Variants in CAPN12 observed in about 807,000 individuals in gnomAD.
CAPN12 encodes the protein calpain-12.
Under a neutral mutation model 95.0 loss-of-function variants are expected in CAPN12, and 107 were observed. The ratio of observed to expected loss-of-function variants is 1.13; its 90% CI spans 0.96 to 1.32. The LOEUF is 1.32. Ranked by LOEUF, CAPN12 falls within the 40% of genes most tolerant of loss-of-function variation. The pLI is 0.00. For missense variants in CAPN12, 1,136 were observed against 997.8 expected (o/e 1.14, Z -1.87); for synonymous variants, 505 against 415.5 (o/e 1.22, Z -2.62).
At position 38,736,288 on chromosome 19, in the gene CAPN12, G is replaced by C; in HGVS notation, c.1405C>G (p.His469Asp). 1 of 1,443,178 alleles carries C rather than the reference G, an allele frequency of 6.9e-7. No homozygotes were observed. The highest frequency in any genetic ancestry group is 1.5e-5 in the South Asian group (1 of 68,246). The allele number at this position is 1,443,178 out of a possible 1,614,324, so 89.4% of individuals were successfully genotyped here. A position where few individuals can be genotyped will look rare whatever the true frequency, so the allele number is the denominator to read the frequency against. ...CGCAGCAGCCGGGGCAGGAGCGCAT[G>C]GCTGCGCGGGGAATCCCAGAGGCCC... ...LLGLWDSPRS[H>D]ALLPRLLRAD... The change falls in exon 12 of 21, where the codon CAT (histidine) becomes GAT (aspartate). Residue 469 changes from histidine (H) to aspartate (D), a missense_variant. Coordinates refer to ENST00000328867, the MANE Select transcript of CAPN12 (RefSeq NM_144691.4).
intron 10 of CAPN12, 195 bp from the exon 11 acceptor site, chr19:38,736,758 G>T: frequency 1.5e-6 from 1 of 656,744 alleles, no homozygotes; most frequent in Non-Finnish European, 2.5e-6. Context: ...CCCCATCTGC[G>T]CTCCCAGCGC....
In CAPN12 at chr19:38,734,382, G is replaced by T. The variant is rs775104751; in HGVS notation, c.1752C>A (p.Ala584=). The change falls in exon 16 of 21, where the codon GCC becomes GCA. Residue 584 remains alanine, a synonymous_variant. Transcript: ENST00000328867. ...CGATCTCTCTGGGGGTGGAGGTATG[G>T]GCCCTGGCTACAGGAAAAACAAAGT... The part of the protein sequence containing the change: ...LLSIALEPAR[A]HTSTPREIGL... 6.3e-7 allele frequency: 1 copy of T among 1,592,118 alleles called. No homozygotes were observed. The highest frequency in any genetic ancestry group is 8.6e-7 in the Non-Finnish European group (1 of 1,169,584).
chr19:38,741,065 C>T (rs1272532429), intron 4 of CAPN12, among the ~76,000 whole-genome samples: 1 of 152,000 alleles, frequency 6.6e-6, no homozygotes, highest in Non-Finnish European at 1.5e-5. Flanking sequence ...ATTTGAGGGT[C>T]CCAGGGTGAC....
chr19:38,742,374 G>A (rs1970596469), intron 3 of CAPN12, 36 bp downstream of exon 3: 2 of 1,426,862 alleles, frequency 1.4e-6, no homozygotes, highest in African/African-American at 2.8e-5. Context: ...TCACCATGGG[G>A]GAAACGGAGG....
chr19:38,739,958 A>G, intron 5 of CAPN12, 93 bp downstream of exon 5: 3 of 1,295,482 alleles, frequency 2.3e-6, no homozygotes, highest in Non-Finnish European at 2.0e-6. Context: ...TAACGGAAGC[A>G]GAGAACAGAG....
chr19:38,734,593 G>T, intron 15 of CAPN12: 1 of 654,218 alleles, frequency 1.5e-6, no homozygotes, highest in Non-Finnish European at 2.6e-6. Flanking sequence ...GCTCAAGGCA[G>T]CCTTGCCTTT....
chr19:38,734,058 G>C, intron 17 of CAPN12, 84 bp downstream of exon 17: 1 of 1,473,652 alleles, frequency 6.8e-7, no homozygotes, highest in South Asian at 1.2e-5. Flanking sequence ...CGTTCCCTGG[G>C]GACCTGATAG....
intron 5 of CAPN12, 127 bp from the exon 6 acceptor site, chr19:38,738,775 A>ACCCT (rs1970375254): frequency 2.4e-5 from 18 of 759,570 alleles, no homozygotes; most frequent in African/African-American, 5.2e-5. Flanking sequence ...CACGCAGCTC[A>ACCCT]GAGACCATGT....
At position 38,736,547 on chromosome 19, in the gene CAPN12, C is replaced by T. The variant is rs767995149; in HGVS notation, c.1374+5G>A. On this transcript the variant is annotated splice_donor_5th_base_variant and intron_variant, in intron 11 of 20. Coordinates refer to ENST00000328867, the MANE Select transcript of CAPN12 (RefSeq NM_144691.4). ...CAGGGCCGGTTGACCCCATCCCAGA[C>T]TCACCTCCTCTGGAATCTGAAAGAA... 4 of 1,515,022 alleles carry T rather than the reference C, an allele frequency of 2.6e-6. No homozygotes were observed. Among genetic ancestry groups the T allele is most frequent in the Non-Finnish European group, 2.7e-6 (3 of 1,124,200 alleles). The allele number at this position is 1,515,022 out of a possible 1,614,324, so 93.8% of individuals were successfully genotyped here. A position where few individuals can be genotyped will look rare whatever the true frequency, so the allele number is the denominator to read the frequency against.
intron 15 of CAPN12, 31 bp downstream of exon 15, chr19:38,734,782 C>T (rs758556433): frequency 6.2e-7 from 1 of 1,604,890 alleles, no homozygotes; most frequent in Non-Finnish European, 8.5e-7. Flanking sequence ...GGCTAAGACC[C>T]CTCCTCCTGC....
intron 5 of CAPN12, chr19:38,739,830 AATAAAC>A (rs1372593130): frequency 2.1e-6 from 1 of 466,820 alleles, no homozygotes; most frequent in African/African-American, 2.0e-5. Context: ...CAGAATGAGA[AATAAAC>A]ATAGTTGCAA....
Position 38,740,775 on chromosome 19 carries a change from G to C in CAPN12, c.561-556C>G, listed in dbSNP as rs573303901. On this transcript the variant is annotated intron_variant, in intron 4 of 20. Coordinates refer to ENST00000328867, the MANE Select transcript of CAPN12 (RefSeq NM_144691.4). ...AGATCACGCCATTGCACTGTAGCCT[G>C]GGCAACAAGAGTGAAACTCCATCTC... 1.0e-3 allele frequency among the ~76,000 whole-genome samples: 154 copies of C among 151,246 alleles called. 2 individuals are homozygous for C. Among genetic ancestry groups the C allele is most frequent in the African/African-American group, 3.1e-3 (128 of 41,116 alleles).
intron 4 of CAPN12, 93 bp from the exon 5 acceptor site, chr19:38,740,312 G>C (rs1164349960): frequency 4.7e-6 from 6 of 1,283,248 alleles, no homozygotes; most frequent in Non-Finnish European, 6.3e-6. Context: ...GTCTCAGGGT[G>C]TGGAATCCCC....
intron 10 of CAPN12, 94 bp downstream of exon 10, chr19:38,737,062 G>A: frequency 2.2e-6 from 1 of 448,246 alleles, no homozygotes; most frequent in Admixed American, 3.8e-5. Context: ...CTTCCCACTG[G>A]CCCCGCCCCT....
At chr19:38,734,571 T>TGCCCA in intron 15 of CAPN12, 182 bp from the exon 16 acceptor site, 1 of 661,066 alleles carries the variant, frequency 1.5e-6, no homozygotes. Flanking sequence ...AGGCAGGGGG[T>TGCCCA]GCCCAGTCTG....
At chr19:38,732,021 AC>A (rs1343971840) in intron 18 of CAPN12, among the ~76,000 whole-genome samples, 1 of 152,256 alleles carries the variant, frequency 6.6e-6, no homozygotes, top group Admixed American at 6.5e-5. Flanking sequence ...CTATGGGGAA[AC>A]CCAGCCAGAT....
At chr19:38,737,727 C>T (rs1970303623) in intron 8 of CAPN12, 89 bp from the exon 9 acceptor site, 2 of 1,420,242 alleles carry the variant, frequency 1.4e-6, no homozygotes, top group Non-Finnish European at 9.3e-7. Context: ...CAAAGCCCCT[C>T]ACATTTCTTA....
Position 38,738,565 on chromosome 19 carries a change from G to A in CAPN12, c.804+9C>T, listed in dbSNP as rs759163444. The A allele has an allele frequency of 9.3e-6, 15 of 1,613,912 alleles. No homozygotes were observed. The highest frequency in any genetic ancestry group is 1.2e-5 in the Non-Finnish European group (14 of 1,179,942). The stretch of plus-strand genomic sequence containing the variant: ...ATGGCCTGCCACCCCACCCATGGGG[G>A]ACACTTACCTTGTGTGTGCCCGTGA... On this transcript the variant is annotated intron_variant, in intron 6 of 20. Transcript: ENST00000328867.
In CAPN12 at chr19:38,743,118, G is replaced by C; in HGVS notation, c.238-16C>G. ...CACAGAACTCCTGTGGGTGGTGGGG[G>C]ATTCCAGGCCTCAGCCTGAGAAAGC... On this transcript the variant is annotated splice_polypyrimidine_tract_variant and intron_variant, in intron 1 of 20. Coordinates refer to ENST00000328867, the MANE Select transcript of CAPN12 (RefSeq NM_144691.4). The C allele has an allele frequency of 6.2e-7, 1 of 1,614,000 alleles. No homozygotes were observed. Among genetic ancestry groups the C allele is most frequent in the Non-Finnish European group, 8.5e-7 (1 of 1,179,890 alleles).
Sources: gnomAD v4.1 joint callset for allele counts (sites outside exome capture counted in the v4.1 genomes callset) on GRCh38, gnomAD v4.1.1 for gene constraint, MANE v1.5 for transcripts, NCBI Gene and HGNC (gene_info 2026-07-23, HGNC 2026-07-21) for gene names.